The following TLK1 variants were observed in gnomAD, a reference collection of about 807,000 sequenced individuals.
The protein encoded by TLK1 is serine/threonine-protein kinase tousled-like 1.
In TLK1, 24 loss-of-function variants were observed where a neutral mutation model predicts 105.3. The ratio of observed to expected loss-of-function variants is 0.23; its 90% CI spans 0.17 to 0.32. The LOEUF is 0.32. Ranked by LOEUF, TLK1 falls within the 10% of genes least tolerant of loss-of-function variation. The pLI, the probability that TLK1 is intolerant of heterozygous loss-of-function variation, is 1.00. For synonymous variants in TLK1, 321 were observed against 310.4 expected, an observed-to-expected ratio of 1.03 and a Z score of -0.36; for missense variants, 558 against 910.5, an observed-to-expected ratio of 0.61 and a Z score of 4.98.
chr2:171,022,804 C>CA, intron 12 of TLK1: 1 of 245,644 alleles, frequency 4.1e-6, no homozygotes, highest in South Asian at 4.8e-5. Flanking sequence ...AGTCAGATGA[C>CA]AATGGTGTTC....
intron 2 of TLK1, chr2:171,091,716 TTGTTG>T (rs1321076018): frequency 4.0e-4 from 2 of 5,006 alleles, no homozygotes; most frequent in Non-Finnish European, 9.4e-4. Flanking sequence ...GGGGGTGTCT[TTGTTG>T]TTGTTGTTGT....
chr2:171,031,574 TAC>T (rs1233969994), intron 11 of TLK1, among the ~76,000 whole-genome samples: 3 of 152,296 alleles, frequency 2.0e-5, no homozygotes, highest in South Asian at 4.1e-4. Context: ...ATATTTTTAT[TAC>T]ACAAACATAA....
At chr2:171,215,603 A>C (rs1202879635) in intron 1 of TLK1, among the ~76,000 whole-genome samples, 5 of 152,230 alleles carry the variant, frequency 3.3e-5, no homozygotes, top group African/African-American at 1.2e-4. Context: ...TAAATTATAT[A>C]TATAGGCTTC....
intron 1 of TLK1, among the ~76,000 whole-genome samples, chr2:171,148,890 A>AAAAAAAAAAAATATAT (rs1445171800): frequency 7.2e-6 from 1 of 138,460 alleles, no homozygotes; most frequent in African/African-American, 2.7e-5. Context: ...AAAAAAAAAA[A>AAAAAAAAAAAATATAT]ATATATATAT....
intron 1 of TLK1, among the ~76,000 whole-genome samples, chr2:171,150,726 A>G (rs1691997227): frequency 6.6e-6 from 1 of 152,240 alleles, no homozygotes; most frequent in South Asian, 2.1e-4. Context: ...AAGAAACCCA[A>G]TGACATTACT....
rs906309057 is a variant in TLK1 at position 171,139,618 on chromosome 2, A to G, written c.139+20672T>C. Among the ~76,000 whole-genome samples, 3 of 151,964 alleles carry G rather than the reference A, an allele frequency of 2.0e-5. No homozygotes were observed. The South Asian group carries it at 6.2e-4, about 31-fold the overall frequency. Reference sequence around the variant, plus strand: ...CAAAAACAAACAAACAAACAACAACAACAACAACAAAAACCGGTTATCTTC... The same window carrying G: ...CAAAAACAAACAAACAAACAACAACGACAACAACAAAAACCGGTTATCTTC... On this transcript the variant is annotated intron_variant, in intron 1 of 20. Coordinates refer to ENST00000431350, the MANE Select transcript of TLK1 (RefSeq NM_012290.5).
At chr2:171,105,717 T>A (rs1575599292) in intron 2 of TLK1, among the ~76,000 whole-genome samples, 2 of 151,552 alleles carry the variant, frequency 1.3e-5, no homozygotes. Context: ...TAACAAATAC[T>A]AGTAAGGATG....
chr2:171,154,698 A>AT (rs1232809517), intron 1 of TLK1, among the ~76,000 whole-genome samples: 1 of 152,220 alleles, frequency 6.6e-6, no homozygotes, highest in Admixed American at 6.5e-5. Context: ...CTACTACTTC[A>AT]TAACAATATT....
chr2:171,042,698 T>A (rs1410532044), intron 11 of TLK1, among the ~76,000 whole-genome samples: 3 of 147,754 alleles, frequency 2.0e-5, no homozygotes, highest in African/African-American at 2.5e-5. Context: ...TGAGAGGCAA[T>A]AGGAGAAACT....
At chr2:171,228,340 G>T (rs980682638) in intron 1 of TLK1, among the ~76,000 whole-genome samples, 2 of 152,166 alleles carry the variant, frequency 1.3e-5, no homozygotes, top group Non-Finnish European at 1.5e-5. Flanking sequence ...GATCACCTAA[G>T]GCTAGGAATT....
rs1441072381 is a variant in TLK1 at position 171,059,816 on chromosome 2, G to T, written c.406+1265C>A. ...AGGGAGTGCATAACCTGGATCCCTTGCATGTGCAGTTCACAATAAGGTTCA... is the reference window on the plus strand; with the variant it reads ...AGGGAGTGCATAACCTGGATCCCTTTCATGTGCAGTTCACAATAAGGTTCA... On this transcript the variant is annotated intron_variant, in intron 4 of 20. Coordinates refer to ENST00000431350, the MANE Select transcript of TLK1 (RefSeq NM_012290.5). 3.8e-5 allele frequency: 28 copies of T among 728,310 alleles called. No homozygotes were observed. In the South Asian group the frequency reaches 4.1e-4, roughly 11 times the overall value. 45.1% of individuals were successfully genotyped at this position (728,310 alleles called of 1,614,324 possible).
chr2:171,158,426 G>C (rs1692318906), intron 1 of TLK1, among the ~76,000 whole-genome samples: 1 of 152,168 alleles, frequency 6.6e-6, no homozygotes, highest in African/African-American at 2.4e-5. Flanking sequence ...ATCAGGAAAA[G>C]TGCAGAATGT....
At chr2:171,226,568 G>T (rs1431386652) in intron 1 of TLK1, among the ~76,000 whole-genome samples, 1 of 152,178 alleles carries the variant, frequency 6.6e-6, no homozygotes, top group Non-Finnish European at 1.5e-5. Context: ...CTTAATAGAG[G>T]CTTGGGCATC....
intron 20 of TLK1, 97 bp from the exon 21 acceptor site, chr2:170,994,053 T>C (rs1324849085): frequency 1.6e-6 from 2 of 1,273,760 alleles, no homozygotes; most frequent in East Asian, 2.7e-5. Context: ...ATTTAAGACA[T>C]AAGTAGATCT....
intron 2 of TLK1, among the ~76,000 whole-genome samples, chr2:171,092,641 C>T (rs1192429119): frequency 6.6e-6 from 1 of 152,096 alleles, no homozygotes; most frequent in Admixed American, 6.5e-5. Flanking sequence ...TAAGACCACC[C>T]TCCTACCCCC....
chr2:171,060,175 A>G (rs543369177), intron 4 of TLK1, among the ~76,000 whole-genome samples: 3 of 152,284 alleles, frequency 2.0e-5, no homozygotes, highest in African/African-American at 7.2e-5. Context: ...GCAGACCACA[A>G]AGGAAAAAAA....
rs1000164399 is a variant in TLK1, at chr2:171,028,235, T to C, written c.1236+104A>G. ...AATCTGAAATTTTTAATTTGAAATC[T>C]TACTCTCTTAAATTTTGGCTTTTAA... is the stretch of plus-strand genomic sequence containing the variant. On this transcript the variant is annotated intron_variant, in intron 12 of 20. Coordinates refer to ENST00000431350, the MANE Select transcript of TLK1 (RefSeq NM_012290.5). The C allele has an allele frequency of 5.2e-6, 4 of 766,976 alleles. No homozygotes were observed. In the African/African-American group the frequency reaches 5.3e-5, roughly 10 times the overall value. The allele number at this position is 766,976 out of a possible 1,614,324, so 47.5% of individuals were successfully genotyped here. A position where few individuals can be genotyped will look rare whatever the true frequency, so the allele number is the denominator to read the frequency against.
intron 11 of TLK1, 86 bp downstream of exon 11, chr2:171,046,088 G>T: frequency 5.0e-6 from 6 of 1,203,624 alleles, no homozygotes; most frequent in Non-Finnish European, 5.6e-6. Context: ...TGCTATCTAA[G>T]TATTAATTAT....
chr2:171,081,788 C>T (rs760098336), intron 3 of TLK1: 17 of 973,964 alleles, frequency 1.7e-5, no homozygotes, highest in South Asian at 1.5e-4. Context: ...CAGAACTGCA[C>T]GAAACTGTCT....
Sources: allele counts gnomAD v4.1 joint callset (sites outside exome capture counted in the v4.1 genomes callset), GRCh38; gene constraint gnomAD v4.1.1; transcripts MANE v1.5; gene names NCBI Gene and HGNC (gene_info 2026-07-23, HGNC 2026-07-21).